Variants in KCNH8 observed in about 807,000 individuals in gnomAD.
KCNH8 encodes the protein potassium voltage-gated channel subfamily H member 8, also known as voltage-gated delayed rectifier potassium channel KCNH8.
Under a neutral mutation model 103.6 loss-of-function variants are expected in KCNH8, and 70 were observed. The ratio of observed to expected loss-of-function variants is 0.68; its 90% CI spans 0.56 to 0.82. The LOEUF is 0.82. Ranked by LOEUF, KCNH8 falls within the 40% of genes least tolerant of loss-of-function variation. The pLI, the probability that KCNH8 is intolerant of heterozygous loss-of-function variation, is 0.00. For missense variants in KCNH8, 1,217 were observed against 1,329.9 expected, an observed-to-expected ratio of 0.92 and a Z score of 1.32; for synonymous variants, 498 against 489.4, an observed-to-expected ratio of 1.02 and a Z score of -0.23.
At chr3:19,214,089 G>T (rs1441157116) in intron 1 of KCNH8, among the ~76,000 whole-genome samples, 1 of 152,188 alleles carries the variant, frequency 6.6e-6, no homozygotes, top group Non-Finnish European at 1.5e-5. Flanking sequence ...ACTCTAGAGG[G>T]TGATGGCCTA....
chr3:19,305,594 T>G (rs2065119611), intron 3 of KCNH8, among the ~76,000 whole-genome samples: 1 of 151,980 alleles, frequency 6.6e-6, no homozygotes, highest in Non-Finnish European at 1.5e-5. Flanking sequence ...TGAGAGAAAA[T>G]TCACACACAA....
At chr3:19,216,096 G>C (rs1007885549) in intron 1 of KCNH8, among the ~76,000 whole-genome samples, 1 of 152,156 alleles carries the variant, frequency 6.6e-6, no homozygotes, top group Non-Finnish European at 1.5e-5. Flanking sequence ...AAGCAGTTTT[G>C]CTAACAAAGT....
intron 4 of KCNH8, among the ~76,000 whole-genome samples, chr3:19,344,531 G>T (rs1199085794): frequency 6.6e-6 from 1 of 152,010 alleles, no homozygotes. Flanking sequence ...ATGCCTAACA[G>T]CCCAGTGACT....
chr3:19,224,658 G>A (rs1207082353), intron 1 of KCNH8, among the ~76,000 whole-genome samples: 1 of 144,796 alleles, frequency 6.9e-6, no homozygotes, highest in Non-Finnish European at 1.5e-5. Context: ...TTCCCACTTT[G>A]ATCTCCCAAA....
At chr3:19,480,569 A>T (rs181771492) in intron 11 of KCNH8, among the ~76,000 whole-genome samples, 1 of 152,330 alleles carries the variant, frequency 6.6e-6, no homozygotes, top group Non-Finnish European at 1.5e-5. Flanking sequence ...GTATGAGCCT[A>T]TGAGAGCTCT....
chr3:19,246,244 ATAACTT>A (rs1323639198), intron 1 of KCNH8, among the ~76,000 whole-genome samples: 2 of 150,676 alleles, frequency 1.3e-5, no homozygotes, highest in African/African-American at 4.9e-5. Context: ...GAATGATTAA[ATAACTT>A]TAAGAAGTTT....
intron 11 of KCNH8, among the ~76,000 whole-genome samples, chr3:19,509,176 A>G (rs1265779570): frequency 6.6e-6 from 1 of 152,236 alleles, no homozygotes; most frequent in East Asian, 1.9e-4. Flanking sequence ...TAAGGCGGCT[A>G]AGCAGATGTA....
chr3:19,530,057 C>T (rs1007199450), intron 15 of KCNH8, among the ~76,000 whole-genome samples: 1 of 152,092 alleles, frequency 6.6e-6, no homozygotes, highest in African/African-American at 2.4e-5. Flanking sequence ...AAGCCAGGCA[C>T]AGAAAGACAA....
intron 3 of KCNH8, among the ~76,000 whole-genome samples, chr3:19,315,230 C>T (rs1200550492): frequency 6.6e-6 from 1 of 151,876 alleles, no homozygotes; most frequent in African/African-American, 2.4e-5. Context: ...AATGAAGGTT[C>T]TATTTCTGAT....
intron 3 of KCNH8, among the ~76,000 whole-genome samples, chr3:19,289,752 T>C (rs944283325): frequency 2.0e-5 from 3 of 152,202 alleles, no homozygotes; most frequent in Admixed American, 2.0e-4. Flanking sequence ...TCCATATGAA[T>C]TTTAAAGTAT....
At chr3:19,298,967 T>TA (rs1307709559) in intron 3 of KCNH8, among the ~76,000 whole-genome samples, 1 of 116,408 alleles carries the variant, frequency 8.6e-6, no homozygotes, top group Non-Finnish European at 1.8e-5. Flanking sequence ...ATTTGAGGGG[T>TA]AAAAAAGTTA....
intron 1 of KCNH8, among the ~76,000 whole-genome samples, chr3:19,224,573 T>G (rs1316379138): frequency 1.3e-5 from 2 of 150,810 alleles, no homozygotes; most frequent in Non-Finnish European, 3.0e-5. Flanking sequence ...TTTTTTTTTT[T>G]TTTTTGAGAG....
At chr3:19,419,118 C>T (rs541359170) in intron 7 of KCNH8, among the ~76,000 whole-genome samples, 1 of 151,568 alleles carries the variant, frequency 6.6e-6, no homozygotes, top group South Asian at 2.1e-4. Context: ...TCTCATCATG[C>T]ATGTGTATGT....
rs1294447141 is a variant in KCNH8 at position 19,274,301 on chromosome 3, A to G, written c.311-6897A>G. On this transcript the variant is annotated intron_variant, in intron 2 of 15. Transcript: ENST00000328405. The stretch of plus-strand genomic sequence containing the variant: ...GAAATTTAAATATAATACATGCAAG[A>G]CGTGTTGTACAATGTTAGCACATAA... Among the ~76,000 whole-genome samples the G allele has an allele frequency of 3.3e-5, 5 of 152,152 alleles. No homozygotes were observed. The East Asian group carries it at 7.7e-4, about 24-fold the overall frequency.
intron 1 of KCNH8, among the ~76,000 whole-genome samples, chr3:19,216,460 A>C (rs112864854): frequency 0.026 from 3,932 of 152,346 alleles, 167 homozygotes; most frequent in African/African-American, 0.088. Flanking sequence ...AATATCTACT[A>C]GTAATTCTTG....
chr3:19,333,785 T>C (rs190616996), intron 3 of KCNH8, among the ~76,000 whole-genome samples: 5 of 152,326 alleles, frequency 3.3e-5, no homozygotes, highest in African/African-American at 1.2e-4. Context: ...AGTTATATAT[T>C]AATCCAGAAG....
intron 1 of KCNH8, among the ~76,000 whole-genome samples, chr3:19,185,910 C>A (rs1039833911): frequency 2.0e-5 from 3 of 152,046 alleles, no homozygotes; most frequent in Middle Eastern, 3.4e-3. Context: ...TGGTAAACCT[C>A]TGCATTCAAT....
intron 11 of KCNH8, among the ~76,000 whole-genome samples, chr3:19,480,164 T>C (rs2068059122): frequency 6.6e-6 from 1 of 152,234 alleles, no homozygotes; most frequent in Non-Finnish European, 1.5e-5. Flanking sequence ...GCCACTGTTG[T>C]ACTAGATTAC....
chr3:19,197,547 C>T (rs578229231), intron 1 of KCNH8, among the ~76,000 whole-genome samples: 1 of 151,958 alleles, frequency 6.6e-6, no homozygotes, highest in East Asian at 1.9e-4. Context: ...TCCTTAAAGG[C>T]AATTTAGTGC....
Sources: allele counts gnomAD v4.1 joint callset (sites outside exome capture counted in the v4.1 genomes callset), GRCh38; gene constraint gnomAD v4.1.1; transcripts MANE v1.5; gene names NCBI Gene and HGNC (gene_info 2026-07-23, HGNC 2026-07-21).